The following RBFOX1 variants were observed in gnomAD, a reference collection of about 807,000 sequenced individuals.
RBFOX1 encodes the protein RNA binding fox-1 homolog 1, also known as RNA binding protein fox-1 homolog 1.
A neutral mutation model predicts 57.7 loss-of-function variants in RBFOX1; 8 were observed. That is an observed-to-expected ratio of 0.14 (90% CI 0.08 to 0.25). RBFOX1 has a LOEUF of 0.25. Ranked by LOEUF, RBFOX1 falls within the 10% of genes least tolerant of loss-of-function variation. RBFOX1 has a pLI of 1.00. For synonymous variants in RBFOX1, 326 were observed against 222.4 expected, an observed-to-expected ratio of 1.47 and a Z score of -4.15; for missense variants, 611 against 548.5, an observed-to-expected ratio of 1.11 and a Z score of -1.14.
At chr16:5,449,394 A>T (rs1247787857) in intron 1 of RBFOX1, among the ~76,000 whole-genome samples, 1 of 152,180 alleles carries the variant, frequency 6.6e-6, no homozygotes, top group African/African-American at 2.4e-5. Context: ...TTTCCTTCAC[A>T]GTAGCACAAA....
chr16:6,925,047 A>G (rs1417983764), intron 3 of RBFOX1, among the ~76,000 whole-genome samples: 1 of 141,510 alleles, frequency 7.1e-6, no homozygotes. Context: ...ATAATATTCC[A>G]TGGTGTATAT....
chr16:5,459,551 T>G (rs2068729158), intron 1 of RBFOX1, among the ~76,000 whole-genome samples: 1 of 152,184 alleles, frequency 6.6e-6, no homozygotes, highest in South Asian at 2.1e-4. Context: ...AAATGCCGCA[T>G]GTCCACTTGT....
At position 6,351,601 on chromosome 16, in the gene RBFOX1, T is replaced by C. The variant is rs547198496; in HGVS notation, c.-64+34544T>C. 1.4e-4 allele frequency among the ~76,000 whole-genome samples: 21 copies of C among 152,042 alleles called. 1 individual carries two copies. The highest frequency in any genetic ancestry group is 3.4e-3 in the Middle Eastern group (1 of 294). On this transcript the variant is annotated intron_variant, in intron 2 of 15. Coordinates refer to ENST00000550418, the MANE Select transcript of RBFOX1 (RefSeq NM_018723.4). ...TTTGGCCAGGGTGGTCTCGAACTCC[T>C]GACCTCAGGTGATCCGCCCGTCTTG...
chr16:7,115,196 A>T (rs2065622036), intron 4 of RBFOX1, among the ~76,000 whole-genome samples: 1 of 152,150 alleles, frequency 6.6e-6, no homozygotes, highest in Admixed American at 6.5e-5. Context: ...TTTTTTAATT[A>T]ACTGATGAAA....
chr16:6,203,980 C>CTT (rs60829829), intron 1 of RBFOX1, among the ~76,000 whole-genome samples: 40,479 of 137,498 alleles, frequency 0.29, 6,168 homozygotes, highest in East Asian at 0.5. Context: ...TGTTTTGTTT[C>CTT]TTTTTTTTTT....
At chr16:7,395,052 A>T (rs1427620587) in intron 4 of RBFOX1, among the ~76,000 whole-genome samples, 1 of 152,190 alleles carries the variant, frequency 6.6e-6, no homozygotes. Flanking sequence ...GCCGCAGACT[A>T]GGGGGATAAA....
intron 1 of RBFOX1, among the ~76,000 whole-genome samples, chr16:5,451,493 T>A (rs1235541178): frequency 2.0e-5 from 3 of 152,186 alleles, no homozygotes; most frequent in African/African-American, 7.2e-5. Context: ...TGGGGGAGGT[T>A]ATTGAGGGCC....
At chr16:6,938,401 G>T (rs892219472) in intron 3 of RBFOX1, among the ~76,000 whole-genome samples, 1 of 151,984 alleles carries the variant, frequency 6.6e-6, no homozygotes, top group Non-Finnish European at 1.5e-5. Context: ...AAATAGTAAG[G>T]GTCGGAAAAA....
chr16:7,343,651 C>G (rs185455789), intron 4 of RBFOX1, among the ~76,000 whole-genome samples: 100 of 152,220 alleles, frequency 6.6e-4, no homozygotes, highest in Admixed American at 2.0e-3. Context: ...TTTCACTTGT[C>G]GTACCTAATT....
chr16:5,535,134 G>C (rs1313549540), intron 2 of RBFOX1, among the ~76,000 whole-genome samples: 1 of 152,174 alleles, frequency 6.6e-6, no homozygotes, highest in Non-Finnish European at 1.5e-5. Context: ...AGCTACTTAG[G>C]TTTGAAAAAA....
intron 3 of RBFOX1, among the ~76,000 whole-genome samples, chr16:6,816,451 G>T (rs1013199253): frequency 6.6e-6 from 1 of 150,454 alleles, no homozygotes; most frequent in Non-Finnish European, 1.5e-5. Flanking sequence ...AAAGAAACAG[G>T]GTCTTGTTGG....
At chr16:5,386,408 C>G (rs1215040716) in intron 1 of RBFOX1, among the ~76,000 whole-genome samples, 1 of 152,140 alleles carries the variant, frequency 6.6e-6, no homozygotes, top group Non-Finnish European at 1.5e-5. Flanking sequence ...GTGGCCCATC[C>G]TCACTGCTGA....
chr16:5,494,803 G>A (rs550233771), intron 2 of RBFOX1, among the ~76,000 whole-genome samples: 39 of 152,292 alleles, frequency 2.6e-4, no homozygotes, highest in African/African-American at 9.1e-4. Context: ...GATCAACTAA[G>A]GGACCCTCAG....
intron 2 of RBFOX1, among the ~76,000 whole-genome samples, chr16:6,650,465 T>G (rs1297554702): frequency 6.6e-6 from 1 of 152,164 alleles, no homozygotes; most frequent in African/African-American, 2.4e-5. Context: ...CCTCATTGTG[T>G]GATTCAGTAT....
At chr16:6,837,334 C>G (rs1045632878) in intron 3 of RBFOX1, among the ~76,000 whole-genome samples, 5 of 152,188 alleles carry the variant, frequency 3.3e-5, no homozygotes, top group African/African-American at 9.7e-5. Flanking sequence ...TGCCACCTGG[C>G]TGACTCTGAT....
At chr16:7,625,276 C>G (rs943983750) in intron 10 of RBFOX1, among the ~76,000 whole-genome samples, 1 of 152,080 alleles carries the variant, frequency 6.6e-6, no homozygotes, top group Non-Finnish European at 1.5e-5. Context: ...TTGAGTGAAC[C>G]CTGTTCCTAA....
At chr16:7,427,214 T>G (rs910343490) in intron 4 of RBFOX1, among the ~76,000 whole-genome samples, 11 of 152,080 alleles carry the variant, frequency 7.2e-5, no homozygotes, top group African/African-American at 2.7e-4. Context: ...TGTATACATA[T>G]GTAACAAACC....
chr16:6,245,733 G>T (rs2097565652), intron 1 of RBFOX1, among the ~76,000 whole-genome samples: 1 of 152,114 alleles, frequency 6.6e-6, no homozygotes, highest in Non-Finnish European at 1.5e-5. Flanking sequence ...GAGAACTAAA[G>T]ACACCTGAGA....
At chr16:5,873,166 A>C (rs2057518517) in intron 4 of RBFOX1, among the ~76,000 whole-genome samples, 1 of 150,916 alleles carries the variant, frequency 6.6e-6, no homozygotes, top group Non-Finnish European at 1.5e-5. Context: ...AAAGAAACAA[A>C]CAACAACAAC....
Sources: allele counts gnomAD v4.1 joint callset (sites outside exome capture counted in the v4.1 genomes callset), GRCh38; gene constraint gnomAD v4.1.1; transcripts MANE v1.5; gene names NCBI Gene and HGNC (gene_info 2026-07-23, HGNC 2026-07-21).